TTBK2: variants seen among roughly 807,000 people sequenced by gnomAD.
TTBK2 encodes the protein tau-tubulin kinase 2.
TTBK2 carries 28 observed loss-of-function variants against 110.8 expected under a neutral mutation model. That is an observed-to-expected ratio of 0.25 (90% CI 0.19 to 0.35). The LOEUF is 0.35. TTBK2 is among the 10% of genes least tolerant of loss of function. TTBK2 has a pLI of 1.00. For synonymous variants in TTBK2, 532 were observed against 527.3 expected (o/e 1.01, Z -0.12); for missense variants, 1,369 against 1,500.3 (o/e 0.91, Z 1.45).
chr15:42,798,899 A>G (rs1415822568), intron 9 of TTBK2, among the ~76,000 whole-genome samples: 1 of 152,198 alleles, frequency 6.6e-6, no homozygotes, highest in East Asian at 1.9e-4. Flanking sequence ...GGTAATGAAC[A>G]GGCAAAAATG....
intron 11 of TTBK2, among the ~76,000 whole-genome samples, chr15:42,782,837 T>C (rs1307398461): frequency 6.6e-5 from 10 of 152,258 alleles, no homozygotes; most frequent in East Asian, 5.8e-4. Flanking sequence ...TTCTCTCGCA[T>C]ACACGGATAT....
intron 1 of TTBK2, among the ~76,000 whole-genome samples, chr15:42,913,435 C>G (rs577084758): frequency 1.3e-5 from 2 of 152,042 alleles, no homozygotes; most frequent in Admixed American, 6.6e-5. Flanking sequence ...GTCAGGAGAT[C>G]GAGACCATCC....
chr15:42,807,760 T>A (rs916312731), intron 9 of TTBK2, among the ~76,000 whole-genome samples: 1 of 152,210 alleles, frequency 6.6e-6, no homozygotes, highest in Non-Finnish European at 1.5e-5. Context: ...ATAGTTGTTA[T>A]AATATTCAGA....
chr15:42,883,610 A>G (rs1446549402), intron 1 of TTBK2, among the ~76,000 whole-genome samples: 2 of 152,014 alleles, frequency 1.3e-5, no homozygotes, highest in African/African-American at 4.8e-5. Context: ...AAAAGCAAAA[A>G]AAATAAAAAT....
chr15:42,757,003 T>C (rs1343251393), intron 13 of TTBK2, among the ~76,000 whole-genome samples: 1 of 152,224 alleles, frequency 6.6e-6, no homozygotes, highest in East Asian at 1.9e-4. Flanking sequence ...TACTCTCATA[T>C]AATATTTCCA....
intron 3 of TTBK2, among the ~76,000 whole-genome samples, chr15:42,862,620 G>A (rs1380632517): frequency 6.6e-6 from 1 of 152,182 alleles, no homozygotes; most frequent in Non-Finnish European, 1.5e-5. Context: ...CAGGCGCGGT[G>A]GCTCACACCT....
intron 3 of TTBK2, among the ~76,000 whole-genome samples, chr15:42,857,835 T>C (rs1894005405): frequency 6.6e-6 from 1 of 151,874 alleles, no homozygotes; most frequent in Non-Finnish European, 1.5e-5. Context: ...GTAATCCCAG[T>C]AATTTAGGAG....
intron 13 of TTBK2, among the ~76,000 whole-genome samples, chr15:42,770,260 A>T (rs1889612821): frequency 6.6e-6 from 1 of 152,056 alleles, no homozygotes; most frequent in Admixed American, 6.5e-5. Flanking sequence ...ATAATAATAA[A>T]GACAACTTAG....
chr15:42,822,740 T>C (rs927625638), intron 6 of TTBK2, among the ~76,000 whole-genome samples: 5 of 152,178 alleles, frequency 3.3e-5, no homozygotes, highest in African/African-American at 1.2e-4. Flanking sequence ...ATTGAGAAAA[T>C]GCTCTGGATG....
At chr15:42,919,006 A>C (rs1442562633) in intron 1 of TTBK2, among the ~76,000 whole-genome samples, 1 of 152,220 alleles carries the variant, frequency 6.6e-6, no homozygotes, top group Non-Finnish European at 1.5e-5. Context: ...AAACTGGAAG[A>C]GGGAAGAAAG....
chr15:42,755,379 AC>A (rs1231444114), intron 13 of TTBK2, among the ~76,000 whole-genome samples: 7 of 152,172 alleles, frequency 4.6e-5, no homozygotes, highest in Admixed American at 6.5e-5. Context: ...ACACCAAGAA[AC>A]CATGTGGTTC....
Position 42,817,014 on chromosome 15 carries a change from T to C in TTBK2, c.603+18A>G. The C allele has an allele frequency of 1.3e-6, 2 of 1,588,350 alleles. No homozygotes were observed. The highest frequency in any genetic ancestry group is 1.7e-6 in the Non-Finnish European group (2 of 1,164,162). ...ATTAGCATACTTATACAGATATGAC[T>C]CTAGTTCAGATACCTACCCTGTTCC... On this transcript the variant is annotated intron_variant, in intron 7 of 14. Coordinates refer to ENST00000267890, the MANE Select transcript of TTBK2 (RefSeq NM_173500.4).
At chr15:42,860,091 T>A (rs1384947319) in intron 3 of TTBK2, among the ~76,000 whole-genome samples, 1 of 150,126 alleles carries the variant, frequency 6.7e-6, no homozygotes, top group East Asian at 2.0e-4. Context: ...GAAGAAAGGA[T>A]TAAGGAACAA....
intron 9 of TTBK2, among the ~76,000 whole-genome samples, chr15:42,809,887 A>G (rs1348678057): frequency 2.0e-5 from 3 of 152,222 alleles, no homozygotes; most frequent in Non-Finnish European, 4.4e-5. Context: ...CAACACTGAC[A>G]ACACTGTAGA....
At chr15:42,747,150 T>C (rs1339820461) in intron 14 of TTBK2, among the ~76,000 whole-genome samples, 2 of 152,018 alleles carry the variant, frequency 1.3e-5, no homozygotes, top group African/African-American at 4.8e-5. Context: ...TTATATTTTG[T>C]GTAGAGACGG....
chr15:42,788,032 T>C (rs1890484294), intron 10 of TTBK2, among the ~76,000 whole-genome samples: 1 of 152,166 alleles, frequency 6.6e-6, no homozygotes, highest in Non-Finnish European at 1.5e-5. Flanking sequence ...AACACAATGG[T>C]TAAGTATTTG....
At chr15:42,911,163 G>T (rs1596051770) in intron 1 of TTBK2, among the ~76,000 whole-genome samples, 1 of 152,214 alleles carries the variant, frequency 6.6e-6, no homozygotes, top group East Asian at 1.9e-4. Context: ...GTCATACAAA[G>T]TTTCTTACAA....
At chr15:42,898,242 G>C (rs2141181957) in intron 1 of TTBK2, among the ~76,000 whole-genome samples, 1 of 152,050 alleles carries the variant, frequency 6.6e-6, no homozygotes, top group South Asian at 2.1e-4. Flanking sequence ...ACTGATCCAT[G>C]ACCAGACCAA....
chr15:42,908,659 G>A (rs188416771), intron 1 of TTBK2, among the ~76,000 whole-genome samples: 8 of 152,172 alleles, frequency 5.3e-5, no homozygotes, highest in African/African-American at 1.7e-4. Flanking sequence ...CTTGCTAATC[G>A]TCCAGTGTAC....
Sources: gnomAD v4.1 joint callset for allele counts (sites outside exome capture counted in the v4.1 genomes callset) on GRCh38, gnomAD v4.1.1 for gene constraint, MANE v1.5 for transcripts, NCBI Gene and HGNC (gene_info 2026-07-23, HGNC 2026-07-21) for gene names.